The following MSI2 variants were observed in gnomAD, a reference collection of about 807,000 sequenced individuals.
MSI2 encodes the protein musashi RNA binding protein 2.
A neutral mutation model predicts 45.6 loss-of-function variants in MSI2; 17 were observed. The ratio of observed to expected loss-of-function variants is 0.37; its 90% CI spans 0.26 to 0.56. The LOEUF is 0.56. Among genes scored for constraint, MSI2 ranks in the 20% least tolerant of loss-of-function variants. MSI2 has a pLI of 0.77. For missense variants in MSI2, 293 were observed against 444.2 expected (o/e 0.66, Z 3.06); for synonymous variants, 156 against 158.2 (o/e 0.99, Z 0.11).
At chr17:57,355,545 A>G (rs1333951678) in intron 5 of MSI2, among the ~76,000 whole-genome samples, 2 of 152,202 alleles carry the variant, frequency 1.3e-5, no homozygotes, top group Non-Finnish European at 2.9e-5. Flanking sequence ...CCAAAACTCA[A>G]GTGGAACTGG....
At chr17:57,510,537 C>G (rs1197591620) in intron 6 of MSI2, among the ~76,000 whole-genome samples, 1 of 151,968 alleles carries the variant, frequency 6.6e-6, no homozygotes, top group Non-Finnish European at 1.5e-5. Flanking sequence ...AAGTGATTCT[C>G]CTGCCTCAGC....
intron 11 of MSI2, among the ~76,000 whole-genome samples, chr17:57,665,266 G>T (rs1044032090): frequency 6.6e-6 from 1 of 152,202 alleles, no homozygotes; most frequent in Non-Finnish European, 1.5e-5. Context: ...GAGATTAAGG[G>T]CATGTACCAG....
chr17:57,669,336 C>T (rs558860016), intron 11 of MSI2, among the ~76,000 whole-genome samples: 33 of 152,296 alleles, frequency 2.2e-4, no homozygotes, highest in Admixed American at 1.9e-3. Flanking sequence ...TGCAGGCCCT[C>T]ACTGTTGACA....
intron 9 of MSI2, among the ~76,000 whole-genome samples, chr17:57,617,452 T>C (rs1016098929): frequency 1.3e-5 from 2 of 152,230 alleles, no homozygotes. Context: ...CACCAGTTGA[T>C]AGAAAAGGGT....
intron 7 of MSI2, among the ~76,000 whole-genome samples, chr17:57,534,033 C>T (rs986009697): frequency 1.3e-5 from 2 of 152,240 alleles, no homozygotes; most frequent in Non-Finnish European, 2.9e-5. Context: ...ATAGAAACAG[C>T]CAACACTTTC....
intron 10 of MSI2, among the ~76,000 whole-genome samples, chr17:57,648,173 G>GTGTT (rs1555637250): frequency 2.0e-5 from 3 of 147,704 alleles, no homozygotes; most frequent in African/African-American, 7.7e-5. Context: ...GTGTGTGTGT[G>GTGTT]TGTGTGTGTT....
At chr17:57,496,325 T>G (rs8078155) in intron 6 of MSI2, among the ~76,000 whole-genome samples, 139,195 of 152,158 alleles carry the variant, frequency 0.91, 63,779 homozygotes, top group African/African-American at 0.97. Flanking sequence ...GTACTTTCAG[T>G]TTTCTTAATG....
chr17:57,519,428 G>T (rs543599532), intron 6 of MSI2, among the ~76,000 whole-genome samples: 1 of 152,110 alleles, frequency 6.6e-6, no homozygotes, highest in Non-Finnish European at 1.5e-5. Context: ...GTCACTGCAC[G>T]GGGCGGGGAG....
In MSI2 at chr17:57,627,174, C is replaced by T; in HGVS notation, c.653-55C>T. 3 of 1,516,850 alleles carry T rather than the reference C, an allele frequency of 2.0e-6. No homozygotes were observed. The highest frequency in any genetic ancestry group is 2.7e-6 in the Non-Finnish European group (3 of 1,091,598). The allele number at this position is 1,516,850 out of a possible 1,614,324, so 94.0% of individuals were successfully genotyped here. Reference sequence around the variant, plus strand: ...TTGCCACCCTCCGTGAGATTTTACCCCAGACCTGAGGCGGCTGTACTAACA... The same window carrying T: ...TTGCCACCCTCCGTGAGATTTTACCTCAGACCTGAGGCGGCTGTACTAACA... On this transcript the variant is annotated intron_variant, in intron 9 of 13. Coordinates refer to ENST00000284073, the MANE Select transcript of MSI2 (RefSeq NM_138962.4). The surrounding 1 kb of genome is among the most constrained non-coding windows in gnomAD (Gnocchi z 4.6).
At chr17:57,439,596 T>C (rs2084758972) in intron 6 of MSI2, among the ~76,000 whole-genome samples, 1 of 151,174 alleles carries the variant, frequency 6.6e-6, no homozygotes, top group South Asian at 2.1e-4. Context: ...TCTCGCTCTG[T>C]CGCTCAGGCT....
chr17:57,501,748 T>TGG (rs1276366777), intron 6 of MSI2, among the ~76,000 whole-genome samples: 1 of 152,206 alleles, frequency 6.6e-6, no homozygotes, highest in African/African-American at 2.4e-5. Flanking sequence ...CCCCTGCTCC[T>TGG]GGAGATTTTA....
At chr17:57,555,280 C>T (rs1475699787) in intron 7 of MSI2, among the ~76,000 whole-genome samples, 1 of 152,242 alleles carries the variant, frequency 6.6e-6, no homozygotes, top group African/African-American at 2.4e-5. Context: ...TCCCATCTGT[C>T]CCTGGCAGAG....
intron 5 of MSI2, among the ~76,000 whole-genome samples, chr17:57,396,672 A>T (rs573358329): frequency 6.6e-6 from 1 of 152,288 alleles, no homozygotes; most frequent in African/African-American, 2.4e-5. Flanking sequence ...GGTTTTCTTT[A>T]TGGAGCCAAG....
Position 57,529,810 on chromosome 17 carries a change from C to A in MSI2, c.454+86C>A. ...TCCCCAGTCCCACTGACAAAAGATA[C>A]AGTGAAGAGTCCAGAGTCAAGCAGG... On this transcript the variant is annotated intron_variant, in intron 7 of 13. Coordinates refer to ENST00000284073, the MANE Select transcript of MSI2 (RefSeq NM_138962.4). The surrounding 1 kb of genome is among the most constrained non-coding windows in gnomAD (Gnocchi z 5.3). The A allele has an allele frequency of 1.8e-6, 2 of 1,132,852 alleles. No homozygotes were observed. The highest frequency in any genetic ancestry group is 2.6e-6 in the Non-Finnish European group (2 of 770,918). The allele number at this position is 1,132,852 out of a possible 1,614,324, so 70.2% of individuals were successfully genotyped here. A position where few individuals can be genotyped will look rare whatever the true frequency, so the allele number is the denominator to read the frequency against.
rs1170092406 is a variant in MSI2, at chr17:57,681,835, AAG to A, written c.*2320_*2321del. On this transcript the variant is annotated 3_prime_UTR_variant, in exon 14 of 14. Transcript: ENST00000284073. ...AGTTTTATTTAAAAAAAAAAAAAGA[AAG>A]AAAAAATAGTAAATTCCCAGAAATT... 2.5e-5 allele frequency: 5 copies of A among 197,138 alleles called. No homozygotes were observed. Among genetic ancestry groups the A allele is most frequent in the African/African-American group, 1.2e-4 (5 of 43,322 alleles). 12.2% of individuals were successfully genotyped at this position (197,138 alleles called of 1,614,324 possible). A position where few individuals can be genotyped will look rare whatever the true frequency, so the allele number is the denominator to read the frequency against.
chr17:57,514,646 G>A (rs1430261521), intron 6 of MSI2, among the ~76,000 whole-genome samples: 1 of 130,984 alleles, frequency 7.6e-6, no homozygotes, highest in African/African-American at 2.9e-5. Context: ...AGCTTGAATT[G>A]ATACTTTTTT....
intron 5 of MSI2, among the ~76,000 whole-genome samples, chr17:57,372,883 A>T (rs770170200): frequency 2.1e-4 from 32 of 151,750 alleles, no homozygotes; most frequent in Non-Finnish European, 4.4e-4. Flanking sequence ...GCCAAGAGGG[A>T]TCGATCGTAT....
chr17:57,331,071 G>C (rs895535558), intron 5 of MSI2, among the ~76,000 whole-genome samples: 1 of 151,946 alleles, frequency 6.6e-6, no homozygotes, highest in Non-Finnish European at 1.5e-5. Flanking sequence ...GCACCACCAT[G>C]CCCAGCTAAT....
chr17:57,561,432 C>A (rs1465690137), intron 7 of MSI2, among the ~76,000 whole-genome samples: 2 of 152,174 alleles, frequency 1.3e-5, no homozygotes, highest in Non-Finnish European at 2.9e-5. Flanking sequence ...CCCAGCATAT[C>A]CATTTCTGTG....
Sources: gnomAD v4.1 joint callset for allele counts (sites outside exome capture counted in the v4.1 genomes callset) on GRCh38, gnomAD v4.1.1 for gene constraint, Gnocchi (gnomAD v3.1) non-coding constraint, MANE v1.5 for transcripts, NCBI Gene and HGNC (gene_info 2026-07-23, HGNC 2026-07-21) for gene names.